Variants in NAMPT observed in about 807,000 individuals in gnomAD.
NAMPT encodes the protein nicotinamide phosphoribosyltransferase.
NAMPT carries 7 observed loss-of-function variants against 58.7 expected under a neutral mutation model. That is an observed-to-expected ratio of 0.12 (90% CI 0.07 to 0.22). NAMPT has a LOEUF of 0.22. Among genes scored for constraint, NAMPT ranks in the 10% least tolerant of loss-of-function variants. The pLI is 1.00. For missense variants in NAMPT, 271 were observed against 567.9 expected (o/e 0.48, Z 5.31); for synonymous variants, 145 against 198.1 (o/e 0.73, Z 2.25).
rs1792072866 is a variant in NAMPT, at chr7:106,249,507, G to GT, written c.*1575dup. 6.6e-6 allele frequency: 1 copy of GT among 152,242 alleles called. No homozygotes were observed. Among genetic ancestry groups the GT allele is most frequent in the African/African-American group, 2.4e-5 (1 of 41,398 alleles). The allele number at this position is 152,242 out of a possible 1,614,324, so 9.4% of individuals were successfully genotyped here. On this transcript the variant is annotated 3_prime_UTR_variant, in exon 11 of 11. Transcript: ENST00000222553. ...AAAGAAGACAAAAGAGGAAAATTCC[G>GT]TATCAATTATTTAGCCTCCTCCCTT...
intron 6 of NAMPT, among the ~76,000 whole-genome samples, chr7:106,265,405 A>G (rs1314267191): frequency 2.0e-5 from 3 of 151,904 alleles, no homozygotes; most frequent in Admixed American, 1.3e-4. Flanking sequence ...GACATCTCCC[A>G]TGTTTCACCT....
intron 1 of NAMPT, chr7:106,284,506 C>G (rs906433653): frequency 2.0e-5 from 3 of 153,242 alleles, no homozygotes; most frequent in African/African-American, 7.3e-5. Flanking sequence ...GCCCAAGCCC[C>G]GAGCCCCGAG....
chr7:106,269,009 T>G, intron 5 of NAMPT, 145 bp downstream of exon 5: 4 of 703,908 alleles, frequency 5.7e-6, no homozygotes, highest in Non-Finnish European at 9.5e-6. Context: ...CTGAACACAG[T>G]AGTAGGTACT....
intron 3 of NAMPT, among the ~76,000 whole-genome samples, chr7:106,274,177 T>C (rs1424876013): frequency 1.3e-5 from 2 of 151,554 alleles, no homozygotes; most frequent in African/African-American, 2.4e-5. Flanking sequence ...ATTCTCACTA[T>C]ACAGTGAGAA....
intron 8 of NAMPT, among the ~76,000 whole-genome samples, chr7:106,255,201 T>C (rs1330442104): frequency 2.6e-5 from 4 of 152,172 alleles, no homozygotes; most frequent in African/African-American, 4.8e-5. Context: ...TCAAGGGACA[T>C]ACAACTTTAA....
chr7:106,285,618 C>A (rs953175061), upstream of NAMPT: 3 of 985,808 alleles, frequency 3.0e-6, no homozygotes, highest in Non-Finnish European at 3.6e-6. Flanking sequence ...CTGACCCTGT[C>A]TTTAAGATCC....
intron 2 of NAMPT, 198 bp from the exon 3 acceptor site, chr7:106,275,247 TTTA>T (rs1181091049): frequency 2.8e-6 from 1 of 363,038 alleles, no homozygotes; most frequent in East Asian, 4.2e-5. Flanking sequence ...AGTATAAATG[TTTA>T]TTTATTGTAA....
At chr7:106,252,881 T>TCAG in intron 10 of NAMPT, 136 bp downstream of exon 10, 1 of 1,086,836 alleles carries the variant, frequency 9.2e-7, no homozygotes, top group Non-Finnish European at 1.3e-6. Context: ...GTAGGCCAGG[T>TCAG]CAGCAATTGG....
chr7:106,252,832 G>A (rs766710617), intron 10 of NAMPT, among the ~76,000 whole-genome samples, 185 bp downstream of exon 10: 3 of 152,012 alleles, frequency 2.0e-5, no homozygotes, highest in Non-Finnish European at 4.4e-5. Flanking sequence ...CACAGGCCCC[G>A]TGTTTATGAC....
intron 8 of NAMPT, among the ~76,000 whole-genome samples, chr7:106,261,253 C>T (rs2041681): frequency 0.5 from 75,623 of 152,000 alleles, 21,571 homozygotes; most frequent in East Asian, 0.89. Flanking sequence ...AAGCTCCAGT[C>T]TATGAAAACT....
intron 6 of NAMPT, among the ~76,000 whole-genome samples, chr7:106,267,840 CAAAAAAAAAAAAAAAAAAAAAAAAAAA>C (rs769070307): frequency 3.0e-5 from 1 of 33,174 alleles, no homozygotes; most frequent in Admixed American, 4.8e-4. Context: ...GACTCCGTCT[CAAAAAAAAAAAAAAAAAAAAAAAAAAA>C]AAAAAAAAAC....
intron 3 of NAMPT, among the ~76,000 whole-genome samples, chr7:106,273,917 C>G (rs898434335): frequency 6.6e-6 from 1 of 151,736 alleles, no homozygotes; most frequent in African/African-American, 2.4e-5. Context: ...CTGTGTTTGA[C>G]AGTCTTTTCA....
intron 6 of NAMPT, among the ~76,000 whole-genome samples, chr7:106,267,610 G>A (rs2115776296): frequency 6.6e-6 from 1 of 151,930 alleles, no homozygotes; most frequent in East Asian, 1.9e-4. Context: ...GGGAGGCCGA[G>A]GCAGGCGGAT....
chr7:106,280,801 C>T (rs1324127096), intron 1 of NAMPT, among the ~76,000 whole-genome samples: 2 of 151,594 alleles, frequency 1.3e-5, no homozygotes, highest in Non-Finnish European at 2.9e-5. Context: ...ACTAGCCGGG[C>T]GTGGTGGCAC....
At chr7:106,268,304 A>C in intron 6 of NAMPT, 160 bp downstream of exon 6, 2 of 632,986 alleles carry the variant, frequency 3.2e-6, no homozygotes, top group Non-Finnish European at 5.3e-6. Context: ...CCTCTCTAAG[A>C]CTAATGTTTA....
In NAMPT at chr7:106,269,145, G is replaced by A; in HGVS notation, c.606+9C>T. On this transcript the variant is annotated intron_variant, in intron 5 of 10. Coordinates refer to ENST00000222553, the MANE Select transcript of NAMPT (RefSeq NM_005746.3). ...ATTATATTAAATGAGGTTGGTTTCA[G>A]TTACTTACCTCTTGGGAAGAGACTC... The A allele has an allele frequency of 6.2e-7, 1 of 1,606,496 alleles. No individual in the cohort carries two copies. Among genetic ancestry groups the A allele is most frequent in the African/African-American group, 1.3e-5 (1 of 74,506 alleles).
intron 6 of NAMPT, among the ~76,000 whole-genome samples, chr7:106,263,836 T>TC (rs533179439): frequency 1.2e-3 from 183 of 152,198 alleles, no homozygotes; most frequent in Middle Eastern, 6.8e-3. Context: ...GCCTTACTCC[T>TC]CTTCAATGGT....
chr7:106,278,063 T>C (rs1792686353), intron 1 of NAMPT, among the ~76,000 whole-genome samples: 1 of 152,182 alleles, frequency 6.6e-6, no homozygotes, highest in Non-Finnish European at 1.5e-5. Context: ...GGGTGAATCA[T>C]GGCAATGGCG....
chr7:106,256,901 C>A (rs1011488114), intron 8 of NAMPT, among the ~76,000 whole-genome samples: 1 of 152,096 alleles, frequency 6.6e-6, no homozygotes, highest in East Asian at 1.9e-4. Context: ...TCTGGCCAGG[C>A]GCAATGGCTC....
Sources: allele counts gnomAD v4.1 joint callset (sites outside exome capture counted in the v4.1 genomes callset), GRCh38; gene constraint gnomAD v4.1.1; transcripts MANE v1.5; gene names NCBI Gene and HGNC (gene_info 2026-07-23, HGNC 2026-07-21).